Variants in SMCO2 observed in about 807,000 individuals in gnomAD.
SMCO2 encodes single-pass membrane and coiled-coil domain-containing protein 2.
Under a neutral mutation model 29.5 loss-of-function variants are expected in SMCO2, and 25 were observed. That is an observed-to-expected ratio of 0.85 (90% CI 0.62 to 1.18). The LOEUF (loss-of-function observed/expected upper bound fraction) is 1.18, where lower values mean the gene tolerates loss of function less well. Ranked by LOEUF, SMCO2 falls within the 50% of genes most tolerant of loss-of-function variation. The probability of loss-of-function intolerance (pLI) is 0.00; values close to 1 mark genes in which losing one functional copy is unlikely to be tolerated. For synonymous variants in SMCO2, 117 were observed against 123.3 expected (o/e 0.95, Z 0.34); for missense variants, 348 against 344.5 (o/e 1.01, Z -0.08).
At chr12:27,459,996 C>T in the SMCO2 span, among the ~76,000 whole-genome samples, 3 of 152,190 alleles carry the variant, frequency 2.0e-5, no homozygotes, top group African/African-American at 7.2e-5. Context: ...AAATAAGTAG[C>T]ATAAACCTAT....
At chr12:27,450,544 C>T in the SMCO2 span, among the ~76,000 whole-genome samples, 20 of 152,166 alleles carry the variant, frequency 1.3e-4, no homozygotes, top group African/African-American at 4.1e-4. Context: ...TTACCCTCAG[C>T]GGCTCCTGGG....
rs61915262 is a variant in SMCO2 at position 27,468,056 on chromosome 12, C to T, written c.-11+1081C>T. 6.4e-3 allele frequency among the ~76,000 whole-genome samples: 969 copies of T among 152,280 alleles called. 5 individuals are homozygous for T. The highest frequency in any genetic ancestry group is 0.01 in the Non-Finnish European group (714 of 68,010). ...ATGCCATGTTAAGCACAATTTTACT[C>T]CTCACATCTCTAATAATATTAGTAT... On this transcript the variant is annotated intron_variant, in intron 1 of 7. Coordinates refer to ENST00000298876, the Ensembl canonical transcript of SMCO2.
chr12:27,487,587 A>T (rs1565680315), intron 4 of SMCO2, among the ~76,000 whole-genome samples: 3 of 152,198 alleles, frequency 2.0e-5, no homozygotes. Context: ...ACCCAGGATG[A>T]AATTGCTGGG....
intron 7 of SMCO2, chr12:27,497,433 C>A (rs552288260): frequency 4.6e-6 from 1 of 219,566 alleles, no homozygotes; most frequent in South Asian, 8.3e-5. Context: ...TGTTCCATAC[C>A]ATTAACCATG....
At chr12:27,491,627 T>C (rs1045353339) in intron 5 of SMCO2, among the ~76,000 whole-genome samples, 1 of 152,084 alleles carries the variant, frequency 6.6e-6, no homozygotes, top group Non-Finnish European at 1.5e-5. Flanking sequence ...TGTATCTAAC[T>C]AGCATGATGC....
the SMCO2 span, among the ~76,000 whole-genome samples, chr12:27,447,601 A>T: frequency 6.6e-6 from 1 of 152,026 alleles, no homozygotes; most frequent in Non-Finnish European, 1.5e-5. Context: ...TATAAAAAAT[A>T]CAAAAACTTA....
At chr12:27,447,490 G>A in the SMCO2 span, among the ~76,000 whole-genome samples, 1 of 152,116 alleles carries the variant, frequency 6.6e-6, no homozygotes, top group Admixed American at 6.5e-5. Context: ...AGGTGCGGTG[G>A]CTCACACCTG....
the SMCO2 span, among the ~76,000 whole-genome samples, chr12:27,454,525 G>A: frequency 5.3e-5 from 8 of 152,098 alleles, no homozygotes; most frequent in Non-Finnish European, 1.0e-4. Flanking sequence ...CTTTTCTGTG[G>A]TATTAAACAC....
the SMCO2 span, among the ~76,000 whole-genome samples, chr12:27,441,510 G>A: frequency 6.6e-6 from 1 of 152,108 alleles, no homozygotes; most frequent in Non-Finnish European, 1.5e-5. Context: ...TAATGATAAA[G>A]GGGTCAATTC....
intron 7 of SMCO2, chr12:27,498,173 G>T: frequency 5.7e-6 from 2 of 352,426 alleles, no homozygotes; most frequent in South Asian, 3.2e-5. Flanking sequence ...CTTCTCGTTT[G>T]ACAAAATGCT....
intron 4 of SMCO2, among the ~76,000 whole-genome samples, chr12:27,476,264 G>GTGGCCTAACAAGTCA (rs568053265): frequency 8.7e-4 from 132 of 152,288 alleles, no homozygotes; most frequent in African/African-American, 3.2e-3. Flanking sequence ...GTTAAGACTT[G>GTGGCCTAACAAGTCA]TATTGTGGCC....
the SMCO2 span, among the ~76,000 whole-genome samples, chr12:27,442,764 G>A: frequency 6.6e-6 from 1 of 152,244 alleles, no homozygotes; most frequent in East Asian, 1.9e-4. Flanking sequence ...GCAACTACAG[G>A]CATGCGCCAC....
chr12:27,477,167 G>T (rs2728721), intron 4 of SMCO2, among the ~76,000 whole-genome samples: 17,267 of 132,394 alleles, frequency 0.13, 1,929 homozygotes, highest in East Asian at 0.29. Context: ...TCTTTCATTT[G>T]TTGAAAGATA....
At chr12:27,476,464 G>A (rs1179592243) in intron 4 of SMCO2, among the ~76,000 whole-genome samples, 1 of 152,042 alleles carries the variant, frequency 6.6e-6, no homozygotes, top group African/African-American at 2.4e-5. Context: ...TGGCATTAAA[G>A]TCCCCAACTG....
At chr12:27,436,116 A>G in the SMCO2 span, among the ~76,000 whole-genome samples, 1 of 152,184 alleles carries the variant, frequency 6.6e-6, no homozygotes, top group Non-Finnish European at 1.5e-5. Flanking sequence ...GACCCCTTTT[A>G]TGAAGGCACT....
chr12:27,456,592 G>T, the SMCO2 span, among the ~76,000 whole-genome samples: 2,972 of 152,228 alleles, frequency 0.02, 116 homozygotes, highest in African/African-American at 0.068. Context: ...CTATTGTGTG[G>T]TTTTTAACAA....
Position 27,477,209 on chromosome 12 carries a change from GGTTTTTTTTTT to G in SMCO2, c.362+2297_362+2307del, listed in dbSNP as rs1209531641. On this transcript the variant is annotated intron_variant, in intron 4 of 7. Transcript: ENST00000298876. ...CTGGGTATAGTATTCTTGGCTGTCA[GGTTTTTTTTTT>G]TTTTTTTTTTTTTTTCCTCTCAGCA... Among the ~76,000 whole-genome samples, 110 of 134,060 alleles carry G rather than the reference GGTTTTTTTTTT, an allele frequency of 8.2e-4. 1 individual carries two copies. Among genetic ancestry groups the G allele is most frequent in the South Asian group, 4.6e-3 (20 of 4,320 alleles). The allele number at this position is 134,060 out of a possible 152,430, so 87.9% of individuals were successfully genotyped here. A position where few individuals can be genotyped will look rare whatever the true frequency, so the allele number is the denominator to read the frequency against.
chr12:27,463,222 C>T (rs1294232869), upstream of SMCO2, among the ~76,000 whole-genome samples: 1 of 152,182 alleles, frequency 6.6e-6, no homozygotes, highest in Admixed American at 6.5e-5. Context: ...TTCCCGTAGG[C>T]TGGGAACTTC....
At chr12:27,478,068 A>T (rs961627106) in intron 4 of SMCO2, among the ~76,000 whole-genome samples, 1 of 152,170 alleles carries the variant, frequency 6.6e-6, no homozygotes, top group Non-Finnish European at 1.5e-5. Flanking sequence ...GGGAAAGATT[A>T]GGTTTTCCTA....
Sources: gnomAD v4.1 joint callset for allele counts (sites outside exome capture counted in the v4.1 genomes callset) on GRCh38, gnomAD v4.1.1 for gene constraint, MANE v1.5 for transcripts, NCBI Gene and HGNC (gene_info 2026-07-23, HGNC 2026-07-21) for gene names.